Variants in FRMD4A observed in about 807,000 individuals in gnomAD.
FRMD4A encodes the protein FERM domain containing 4A.
A neutral mutation model predicts 129.1 loss-of-function variants in FRMD4A; 29 were observed. The ratio of observed to expected loss-of-function variants is 0.22; its 90% confidence interval spans 0.17 to 0.31. FRMD4A has a LOEUF of 0.31. Among genes scored for constraint, FRMD4A ranks in the 10% least tolerant of loss-of-function variants. The pLI is 1.00. For synonymous variants in FRMD4A, 634 were observed against 571.6 expected (o/e 1.11, Z -1.56); for missense variants, 1,272 against 1,375.8 (o/e 0.92, Z 1.19).
At chr10:13,749,967 A>T (rs1449922691) in intron 8 of FRMD4A, among the ~76,000 whole-genome samples, 1 of 151,232 alleles carries the variant, frequency 6.6e-6, no homozygotes, top group Non-Finnish European at 1.5e-5. Flanking sequence ...AGAAAAGAAA[A>T]GAAAAGGGAA....
At chr10:14,109,122 C>A (rs1352893959) in intron 2 of FRMD4A, among the ~76,000 whole-genome samples, 1 of 151,850 alleles carries the variant, frequency 6.6e-6, no homozygotes, top group East Asian at 1.9e-4. Flanking sequence ...CCAAGCTCCT[C>A]ACCCTCTGGA....
At chr10:13,889,512 G>A (rs2698128) in intron 2 of FRMD4A, among the ~76,000 whole-genome samples, 149,508 of 152,310 alleles carry the variant, frequency 0.98, 73,439 homozygotes, top group East Asian at 1. Flanking sequence ...CCCCAATGAC[G>A]AGATCATGCT....
At chr10:13,814,144 AGAG>A (rs1380550633) in intron 3 of FRMD4A, among the ~76,000 whole-genome samples, 8 of 152,204 alleles carry the variant, frequency 5.3e-5, no homozygotes, top group Non-Finnish European at 1.0e-4. Flanking sequence ...GAACAGAGAT[AGAG>A]GAGGAGGAAT....
chr10:14,103,055 G>T (rs1281395861), intron 2 of FRMD4A, among the ~76,000 whole-genome samples: 1 of 152,136 alleles, frequency 6.6e-6, no homozygotes, highest in Non-Finnish European at 1.5e-5. Context: ...GGGAGGAAAG[G>T]ATTTACTTTT....
chr10:13,858,428 T>A lies in FRMD4A; in HGVS notation c.111+419A>T, dbSNP rs183118265. The stretch of plus-strand genomic sequence containing the variant: ...TCAGTCTGGGCAACAAGAGCGAGAC[T>A]CTGTCTCAAAACAAAACAAAACAAA... On this transcript the variant is annotated intron_variant, in intron 3 of 24. Transcript: ENST00000357447. Among the ~76,000 whole-genome samples the A allele has an allele frequency of 7.7e-3, 1,169 of 152,288 alleles. 10 individuals are homozygous for A. The highest frequency in any genetic ancestry group is 0.011 in the Non-Finnish European group (730 of 68,022).
intron 3 of FRMD4A, among the ~76,000 whole-genome samples, chr10:13,822,909 G>T (rs1358855884): frequency 6.6e-6 from 1 of 152,004 alleles, no homozygotes; most frequent in Admixed American, 6.6e-5. Context: ...CCTTCCAAGT[G>T]ACTCTGCCAT....
chr10:14,200,698 C>G (rs1014168877), intron 2 of FRMD4A, among the ~76,000 whole-genome samples: 1 of 152,206 alleles, frequency 6.6e-6, no homozygotes, highest in Admixed American at 6.5e-5. Context: ...TCTCTGGAAC[C>G]TTCCATACAG....
chr10:13,786,334 G>A (rs1420457857), intron 5 of FRMD4A, among the ~76,000 whole-genome samples: 10 of 152,160 alleles, frequency 6.6e-5, no homozygotes, highest in Admixed American at 1.3e-4. Context: ...AATCTATATC[G>A]TAGCTCATGC....
At chr10:14,032,481 C>T (rs1833291735) in intron 2 of FRMD4A, among the ~76,000 whole-genome samples, 1 of 152,214 alleles carries the variant, frequency 6.6e-6, no homozygotes, top group African/African-American at 2.4e-5. Flanking sequence ...AGCATTATCA[C>T]CCCTTGACTT....
rs142910519 is a variant in FRMD4A at position 14,078,796 on chromosome 10, A to T, written c.46-219884T>A. Reference sequence around the variant, plus strand: ...AAGCCCATGTGTTTCCCCTTCTACTATGTCAACCTCTCCCTGCCCTGGGCT... The same window carrying T: ...AAGCCCATGTGTTTCCCCTTCTACTTTGTCAACCTCTCCCTGCCCTGGGCT... On this transcript the variant is annotated intron_variant, in intron 2 of 24. Coordinates refer to ENST00000357447, the MANE Select transcript of FRMD4A (RefSeq NM_018027.5). 2.2e-4 allele frequency among the ~76,000 whole-genome samples: 34 copies of T among 152,264 alleles called. 1 individual carries two copies. The East Asian group carries it at 3.5e-3, about 16-fold the overall frequency.
At chr10:14,215,484 T>TA (rs1354352515) in intron 2 of FRMD4A, among the ~76,000 whole-genome samples, 1 of 152,216 alleles carries the variant, frequency 6.6e-6, no homozygotes, top group Admixed American at 6.5e-5. Context: ...CTTCCTTTTT[T>TA]ACTGTAATTT....
At chr10:14,110,364 A>AG (rs1250776409) in intron 2 of FRMD4A, among the ~76,000 whole-genome samples, 1 of 152,146 alleles carries the variant, frequency 6.6e-6, no homozygotes, top group Non-Finnish European at 1.5e-5. Flanking sequence ...AAGAAAAAAA[A>AG]TTCCTTCTTG....
chr10:13,980,941 G>A (rs1490670744), intron 2 of FRMD4A, among the ~76,000 whole-genome samples: 5 of 152,118 alleles, frequency 3.3e-5, no homozygotes. Flanking sequence ...CTCCAAGTGA[G>A]TAAGAAAAAA....
At chr10:14,126,896 A>C (rs1166889734) in intron 2 of FRMD4A, among the ~76,000 whole-genome samples, 1 of 152,142 alleles carries the variant, frequency 6.6e-6, no homozygotes, top group African/African-American at 2.4e-5. Context: ...TGGCATGTTT[A>C]TTGTGGCTCG....
chr10:13,946,008 G>A (rs1172061697), intron 2 of FRMD4A, among the ~76,000 whole-genome samples: 1 of 152,174 alleles, frequency 6.6e-6, no homozygotes, highest in Non-Finnish European at 1.5e-5. Flanking sequence ...GCGTCTCAGA[G>A]CAATGCACCA....
At chr10:13,699,240 T>TG (rs747932581) in intron 14 of FRMD4A, among the ~76,000 whole-genome samples, 4 of 142,814 alleles carry the variant, frequency 2.8e-5, no homozygotes, top group African/African-American at 1.1e-4. Context: ...TTTTTTTTTT[T>TG]TTTTTTTTGT....
At chr10:14,282,437 G>T (rs1273486524) in intron 2 of FRMD4A, among the ~76,000 whole-genome samples, 1 of 152,156 alleles carries the variant, frequency 6.6e-6, no homozygotes, top group Non-Finnish European at 1.5e-5. Flanking sequence ...CTCCAGGCAA[G>T]TGCTCTAATA....
At chr10:13,987,941 A>G (rs1377574649) in intron 2 of FRMD4A, among the ~76,000 whole-genome samples, 27 of 152,208 alleles carry the variant, frequency 1.8e-4, no homozygotes, top group Admixed American at 1.8e-3. Context: ...AGGAGCACTC[A>G]ATGTCATCGT....
At chr10:14,001,330 G>A (rs1383477923) in intron 2 of FRMD4A, among the ~76,000 whole-genome samples, 1 of 152,168 alleles carries the variant, frequency 6.6e-6, no homozygotes, top group Non-Finnish European at 1.5e-5. Flanking sequence ...ATGATGGTGA[G>A]GCATGACGAG....
Sources: gnomAD v4.1 joint callset for allele counts (sites outside exome capture counted in the v4.1 genomes callset) on GRCh38, gnomAD v4.1.1 for gene constraint, MANE v1.5 for transcripts, NCBI Gene and HGNC (gene_info 2026-07-23, HGNC 2026-07-21) for gene names.